BARX2: variants seen among roughly 807,000 people sequenced by gnomAD.
BARX2 encodes homeobox protein BarH-like 2.
BARX2 carries 11 observed loss-of-function variants against 25.5 expected under a neutral mutation model. That is an observed-to-expected ratio of 0.43 (90% CI 0.27 to 0.71). The LOEUF is 0.71. Among genes scored for constraint, BARX2 ranks in the 30% least tolerant of loss-of-function variants. The pLI, the probability that BARX2 is intolerant of heterozygous loss-of-function variation, is 0.19. For synonymous variants in BARX2, 137 were observed against 149.5 expected, an observed-to-expected ratio of 0.92 and a Z score of 0.61; for missense variants, 360 against 359.9, an observed-to-expected ratio of 1.00 and a Z score of 0.00.
chr11:129,444,534 G>A (rs1446718255), intron 3 of BARX2, among the ~76,000 whole-genome samples: 4 of 152,160 alleles, frequency 2.6e-5, no homozygotes, highest in Non-Finnish European at 5.9e-5. Flanking sequence ...ACTATAAGAA[G>A]TAATTAAATA....
At chr11:129,380,583 T>C (rs963085771) in intron 1 of BARX2, among the ~76,000 whole-genome samples, 6 of 152,108 alleles carry the variant, frequency 3.9e-5, no homozygotes, top group African/African-American at 1.4e-4. Flanking sequence ...GGAAAAATGA[T>C]CGTTATCAAC....
intron 1 of BARX2, among the ~76,000 whole-genome samples, chr11:129,385,292 C>G (rs1222097352): frequency 6.6e-6 from 1 of 152,156 alleles, no homozygotes; most frequent in African/African-American, 2.4e-5. Flanking sequence ...AGTTCCACTC[C>G]TGGGTATGTG....
chr11:129,442,536 A>ACTGTGTGATGAGAAGCC (rs1430257757), intron 2 of BARX2, among the ~76,000 whole-genome samples: 30 of 152,100 alleles, frequency 2.0e-4, no homozygotes, highest in Non-Finnish European at 4.0e-4. Context: ...CAGGAAAAGG[A>ACTGTGTGATGAGAAGCC]CTGTGTGATG....
chr11:129,398,915 A>G (rs1468263743), intron 1 of BARX2, among the ~76,000 whole-genome samples: 1 of 152,224 alleles, frequency 6.6e-6, no homozygotes, highest in African/African-American at 2.4e-5. Context: ...TGACCTCAAA[A>G]GCCTGGGGAT....
intron 2 of BARX2, among the ~76,000 whole-genome samples, chr11:129,439,630 C>T (rs1441310124): frequency 6.6e-6 from 1 of 152,172 alleles, no homozygotes; most frequent in Non-Finnish European, 1.5e-5. Context: ...AGACAGAGGA[C>T]AGAGTAGACT....
chr11:129,396,079 C>T (rs551667727), intron 1 of BARX2, among the ~76,000 whole-genome samples: 83 of 152,230 alleles, frequency 5.5e-4, no homozygotes, highest in South Asian at 1.5e-3. Flanking sequence ...CTGTGTGCTC[C>T]GGTAGCACCG....
chr11:129,405,044 A>T (rs1033179145), intron 1 of BARX2, among the ~76,000 whole-genome samples: 1 of 152,144 alleles, frequency 6.6e-6, no homozygotes, highest in African/African-American at 2.4e-5. Flanking sequence ...TGACTTTTGC[A>T]TCCTTGTGAC....
intron 1 of BARX2, among the ~76,000 whole-genome samples, chr11:129,383,334 A>G (rs964062808): frequency 6.6e-6 from 1 of 152,206 alleles, no homozygotes; most frequent in African/African-American, 2.4e-5. Context: ...GAAAGTGGAA[A>G]CTTGGCACAC....
In BARX2 at chr11:129,404,558, C is replaced by T. The variant is rs79285730; in HGVS notation, c.187+28336C>T. Among the ~76,000 whole-genome samples the T allele has an allele frequency of 2.6e-3, 397 of 152,304 alleles. 4 individuals carry two copies. The highest frequency in any genetic ancestry group is 0.019 in the East Asian group (98 of 5,186). On this transcript the variant is annotated intron_variant, in intron 1 of 3. Coordinates refer to ENST00000281437, the MANE Select transcript of BARX2 (RefSeq NM_003658.5). ...CCTTTAGTTTGTCAGTTGACCTTTC[C>T]GGGCTTTTCCCTGCCTCCCACTTGG... is the stretch of plus-strand genomic sequence containing the variant.
chr11:129,396,657 A>G (rs1861724112), intron 1 of BARX2, among the ~76,000 whole-genome samples: 1 of 152,196 alleles, frequency 6.6e-6, no homozygotes, highest in Non-Finnish European at 1.5e-5. Flanking sequence ...GTGAGGTGGC[A>G]GCTGTTCAAC....
At chr11:129,441,448 T>TTTTA (rs895653235) in intron 2 of BARX2, among the ~76,000 whole-genome samples, 1 of 152,114 alleles carries the variant, frequency 6.6e-6, no homozygotes, top group Non-Finnish European at 1.5e-5. Context: ...AGTAATTTAT[T>TTTTA]TTTATTTATT....
chr11:129,436,427 T>A lies in BARX2; in HGVS notation c.188-324T>A. 3.0e-6 allele frequency: 1 copy of A among 330,304 alleles called. No homozygotes were observed. Among genetic ancestry groups the A allele is most frequent in the East Asian group, 4.7e-5 (1 of 21,436 alleles). The allele number at this position is 330,304 out of a possible 1,614,324, so 20.5% of individuals were successfully genotyped here. On this transcript the variant is annotated intron_variant, in intron 1 of 3. Transcript: ENST00000281437. The surrounding 1 kb of genome is among the most constrained non-coding windows in gnomAD (Gnocchi z 4.5). ...GTGTCTCTAGCTTTTCCTGACTACT[T>A]CTTTTCATCTGCCTGGTCCCATGGA...
chr11:129,439,326 C>A (rs990542515), intron 2 of BARX2, among the ~76,000 whole-genome samples: 7 of 152,030 alleles, frequency 4.6e-5, no homozygotes, highest in African/African-American at 1.7e-4. Context: ...ATGTGCAGAA[C>A]GTGCAGGTTT....
At chr11:129,398,467 A>G (rs996719771) in intron 1 of BARX2, among the ~76,000 whole-genome samples, 1 of 152,238 alleles carries the variant, frequency 6.6e-6, no homozygotes, top group African/African-American at 2.4e-5. Context: ...AGATTCTTAA[A>G]TATCAAATAA....
chr11:129,399,699 G>A (rs1249928041), intron 1 of BARX2, among the ~76,000 whole-genome samples: 1 of 152,086 alleles, frequency 6.6e-6, no homozygotes, highest in Non-Finnish European at 1.5e-5. Flanking sequence ...AGCAGCTCAG[G>A]GGCAGTTCTA....
At chr11:129,430,105 T>C (rs1862112637) in intron 1 of BARX2, among the ~76,000 whole-genome samples, 1 of 152,184 alleles carries the variant, frequency 6.6e-6, no homozygotes, top group Non-Finnish European at 1.5e-5. Flanking sequence ...TGGCTGCTTT[T>C]CTGGAGAGCG....
At chr11:129,392,424 T>C (rs748171612) in intron 1 of BARX2, among the ~76,000 whole-genome samples, 30 of 152,250 alleles carry the variant, frequency 2.0e-4, no homozygotes, top group Middle Eastern at 3.4e-3. Flanking sequence ...CTGATGTTGG[T>C]AGGTAAAATT....
Position 129,451,494 on chromosome 11 carries a change from A to ATTTT in BARX2, c.*92_*93insTTTT. 6.9e-7 allele frequency: 1 copy of ATTTT among 1,440,274 alleles called. No homozygotes were observed. Among genetic ancestry groups the ATTTT allele is most frequent in the East Asian group, 2.4e-5 (1 of 41,098 alleles). 89.2% of individuals were successfully genotyped at this position (1,440,274 alleles called of 1,614,324 possible). The stretch of plus-strand genomic sequence containing the variant: ...GGGAGAGAAAACCTTCCAGCAGCCC[A>ATTTT]GTAAACTGCGGGCGAAGAGATCTAC... On this transcript the variant is annotated 3_prime_UTR_variant, in exon 4 of 4. Coordinates refer to ENST00000281437, the MANE Select transcript of BARX2 (RefSeq NM_003658.5).
At chr11:129,446,715 T>C (rs1322434660) in intron 3 of BARX2, among the ~76,000 whole-genome samples, 1 of 152,154 alleles carries the variant, frequency 6.6e-6, no homozygotes, top group Non-Finnish European at 1.5e-5. Flanking sequence ...TGCTCCCCAG[T>C]CATCTCCAAG....
Sources: allele counts gnomAD v4.1 joint callset (sites outside exome capture counted in the v4.1 genomes callset), GRCh38; gene constraint gnomAD v4.1.1; non-coding constraint Gnocchi (gnomAD v3.1); transcripts MANE v1.5; gene names NCBI Gene and HGNC (gene_info 2026-07-23, HGNC 2026-07-21).